The following KIAA1328 variants were observed in gnomAD, a reference collection of about 807,000 sequenced individuals.
The protein encoded by KIAA1328 is KIAA1328, also known as protein hinderin.
KIAA1328 carries 52 observed loss-of-function variants against 68.1 expected under a neutral mutation model. The observed-to-expected ratio is 0.76, with a 90% confidence interval of 0.61 to 0.96. The LOEUF (loss-of-function observed/expected upper bound fraction) is 0.96, where lower values mean the gene tolerates loss of function less well. Ranked by LOEUF, KIAA1328 falls within the 40% of genes least tolerant of loss-of-function variation. KIAA1328 has a pLI of 0.00. For missense variants in KIAA1328, 641 were observed against 677.6 expected (o/e 0.95, Z 0.60); for synonymous variants, 232 against 239.4 (o/e 0.97, Z 0.28).
intron 6 of KIAA1328, among the ~76,000 whole-genome samples, chr18:37,054,696 A>G (rs944281430): frequency 6.6e-6 from 1 of 152,196 alleles, no homozygotes; most frequent in Admixed American, 6.5e-5. Context: ...GGGTTGTAAA[A>G]GCTGCCTGTT....
At chr18:37,123,046 A>G (rs2058310493) in intron 7 of KIAA1328, among the ~76,000 whole-genome samples, 1 of 152,176 alleles carries the variant, frequency 6.6e-6, no homozygotes, top group African/African-American at 2.4e-5. Flanking sequence ...AGCTCTGCCA[A>G]TAGCTAGTTG....
At chr18:37,068,053 T>C (rs2056407131) in intron 7 of KIAA1328, among the ~76,000 whole-genome samples, 1 of 152,222 alleles carries the variant, frequency 6.6e-6, no homozygotes, top group Non-Finnish European at 1.5e-5. Context: ...TCTTCCAAAT[T>C]GATAGCTTAG....
intron 5 of KIAA1328, among the ~76,000 whole-genome samples, chr18:36,950,478 C>T (rs974507960): frequency 3.9e-5 from 6 of 152,080 alleles, no homozygotes; most frequent in African/African-American, 1.2e-4. Context: ...TCCAGGAAAA[C>T]ACAGTCTGCT....
intron 5 of KIAA1328, among the ~76,000 whole-genome samples, chr18:36,951,700 TTTATTCTGCA>T (rs1274948862): frequency 6.6e-6 from 1 of 152,184 alleles, no homozygotes; most frequent in Admixed American, 6.5e-5. Flanking sequence ...AGATCTTTTC[TTTATTCTGCA>T]TTCTCTGTCT....
chr18:37,116,419 C>A (rs1442959347), intron 7 of KIAA1328, among the ~76,000 whole-genome samples: 2 of 152,040 alleles, frequency 1.3e-5, no homozygotes, highest in Non-Finnish European at 2.9e-5. Flanking sequence ...GAAAGGATTC[C>A]CTATTTAATA....
intron 7 of KIAA1328, among the ~76,000 whole-genome samples, chr18:37,071,005 A>G (rs2056505975): frequency 7.6e-6 from 1 of 132,350 alleles, no homozygotes; most frequent in Admixed American, 7.3e-5. Context: ...GTTTCTTTTA[A>G]TTGGTATGTT....
intron 1 of KIAA1328, among the ~76,000 whole-genome samples, chr18:36,831,825 G>A (rs1015591488): frequency 2.0e-5 from 3 of 152,098 alleles, no homozygotes; most frequent in Non-Finnish European, 4.4e-5. Flanking sequence ...CTGGAGGTCT[G>A]GGATAGAGGT....
At chr18:36,913,665 T>A (rs2049565159) in intron 5 of KIAA1328, among the ~76,000 whole-genome samples, 1 of 149,784 alleles carries the variant, frequency 6.7e-6, no homozygotes, top group Non-Finnish European at 1.5e-5. Context: ...CAAACAATTA[T>A]GTAATCCTGC....
At chr18:36,839,478 A>G (rs62083207) in intron 3 of KIAA1328, among the ~76,000 whole-genome samples, 19 of 152,196 alleles carry the variant, frequency 1.2e-4, no homozygotes, top group African/African-American at 4.6e-4. Context: ...GAACATATGG[A>G]ACATAGTTAT....
At chr18:36,928,878 A>T (rs2151139269) in intron 5 of KIAA1328, among the ~76,000 whole-genome samples, 1 of 152,210 alleles carries the variant, frequency 6.6e-6, no homozygotes, top group East Asian at 1.9e-4. Context: ...GTTTCCACAG[A>T]TCTGTGATAG....
At chr18:36,983,315 A>G (rs2052771436) in intron 6 of KIAA1328, among the ~76,000 whole-genome samples, 1 of 152,110 alleles carries the variant, frequency 6.6e-6, no homozygotes, top group Non-Finnish European at 1.5e-5. Context: ...CTGTATGAAC[A>G]TAGAACAAAA....
rs551801939 is a variant in KIAA1328 at position 37,060,692 on chromosome 18, C to T, written c.577-6198C>T. Among the ~76,000 whole-genome samples, 78 of 152,138 alleles carry T rather than the reference C, an allele frequency of 5.1e-4. 3 individuals carry two copies. In the South Asian group the frequency reaches 0.016, roughly 31 times the overall value. ...TTATCATTACTTTTAATGGCAAAAACGCAATTACTTTTGCACCAGCCTAAT... is the reference window on the plus strand; with the variant it reads ...TTATCATTACTTTTAATGGCAAAAATGCAATTACTTTTGCACCAGCCTAAT... On this transcript the variant is annotated intron_variant, in intron 6 of 9. Transcript: ENST00000280020.
At chr18:37,015,652 G>T (rs916166018) in intron 6 of KIAA1328, among the ~76,000 whole-genome samples, 3 of 151,916 alleles carry the variant, frequency 2.0e-5, no homozygotes, top group Non-Finnish European at 4.4e-5. Context: ...TTTTTCATTT[G>T]TTTGTGTCAC....
At chr18:36,894,127 C>T (rs1001118253) in intron 5 of KIAA1328, among the ~76,000 whole-genome samples, 5 of 152,120 alleles carry the variant, frequency 3.3e-5, no homozygotes, top group Non-Finnish European at 7.3e-5. Context: ...TTTCTTGACA[C>T]CAAGTGTTCT....
At chr18:37,025,902 A>G (rs1316375746) in intron 6 of KIAA1328, among the ~76,000 whole-genome samples, 4 of 152,164 alleles carry the variant, frequency 2.6e-5, no homozygotes, top group African/African-American at 4.8e-5. Flanking sequence ...ATAGAGACAC[A>G]AAAAACCCTT....
intron 9 of KIAA1328, among the ~76,000 whole-genome samples, chr18:37,186,587 A>AT: frequency 7.1e-6 from 1 of 140,894 alleles, no homozygotes; most frequent in Admixed American, 7.0e-5. Flanking sequence ...AAAAAAAAAA[A>AT]CCATGAAGGG....
chr18:36,950,425 CT>C (rs2051111190), intron 5 of KIAA1328, among the ~76,000 whole-genome samples: 1 of 152,044 alleles, frequency 6.6e-6, no homozygotes, highest in African/African-American at 2.4e-5. Context: ...TTTAAAGTGC[CT>C]GCTGTGTGCT....
intron 7 of KIAA1328, among the ~76,000 whole-genome samples, chr18:37,121,769 G>A (rs551661634): frequency 6.6e-6 from 1 of 152,204 alleles, no homozygotes; most frequent in African/African-American, 2.4e-5. Context: ...AAAATAAAAT[G>A]AAAACACTTT....
chr18:36,936,331 T>C (rs2050497568), intron 5 of KIAA1328, among the ~76,000 whole-genome samples: 1 of 152,136 alleles, frequency 6.6e-6, no homozygotes. Flanking sequence ...TGTGTCCATG[T>C]GTTCTCATTG....
Sources: allele counts gnomAD v4.1 joint callset (sites outside exome capture counted in the v4.1 genomes callset), GRCh38; gene constraint gnomAD v4.1.1; transcripts MANE v1.5; gene names NCBI Gene and HGNC (gene_info 2026-07-23, HGNC 2026-07-21).